Variants in ANK3 observed in about 807,000 individuals in gnomAD.
ANK3 encodes the protein ankyrin 3, also known as ankyrin-3.
In ANK3, 57 loss-of-function variants were observed where a neutral mutation model predicts 370.9. That is an observed-to-expected ratio of 0.15 (90% CI 0.12 to 0.19). The LOEUF is 0.19. ANK3 is among the 10% of genes least tolerant of loss of function. The pLI, the probability that ANK3 is intolerant of heterozygous loss-of-function variation, is 1.00. For synonymous variants in ANK3, 1,929 were observed against 1,946.3 expected (o/e 0.99, Z 0.23); for missense variants, 4,439 against 5,302.1 (o/e 0.84, Z 5.06).
At chr10:60,337,635 T>C (rs938944873) in intron 1 of ANK3, among the ~76,000 whole-genome samples, 1 of 152,194 alleles carries the variant, frequency 6.6e-6, no homozygotes, top group African/African-American at 2.4e-5. Context: ...TATCTCATAA[T>C]TGGCAAGCAT....
chr10:60,073,224 G>A lies in ANK3; in HGVS notation c.7657C>T (p.His2553Tyr). 6.2e-7 allele frequency: 1 copy of A among 1,614,148 alleles called. No individual in the cohort carries two copies. Among genetic ancestry groups the A allele is most frequent in the Non-Finnish European group, 8.5e-7 (1 of 1,180,028 alleles). Residue 2553 changes from histidine to tyrosine, a missense_variant, in exon 37 of 44, where the codon CAT becomes TAT. By Grantham distance (83) the His-to-Tyr change is moderately conservative. Coordinates refer to ENST00000280772, the MANE Select transcript of ANK3 (RefSeq NM_020987.5). ...HYSGNVSSPK[H>Y]AMWMRFTEDR... ...TCAGTAAAGCGCATCCACATGGCAT[G>A]TTTTGGACTACTAACATTGCCAGAA...
At chr10:60,574,843 A>G (rs1014657491) in intron 2 of ANK3, among the ~76,000 whole-genome samples, 1 of 152,156 alleles carries the variant, frequency 6.6e-6, no homozygotes. Flanking sequence ...TAGTACATCC[A>G]CCTAAAGTAA....
At chr10:60,090,432 A>T (rs1170876632) in intron 28 of ANK3, among the ~76,000 whole-genome samples, 1 of 152,222 alleles carries the variant, frequency 6.6e-6, no homozygotes, top group Non-Finnish European at 1.5e-5. Context: ...ATAATATAAA[A>T]GGTAATATAT....
chr10:60,286,413 CAT>C (rs368913958), intron 1 of ANK3, among the ~76,000 whole-genome samples: 4 of 152,098 alleles, frequency 2.6e-5, no homozygotes, highest in African/African-American at 4.8e-5. Flanking sequence ...TGACATGTAA[CAT>C]GTGGGTAATT....
chr10:60,176,196 C>CAAACA (rs1555069362), intron 18 of ANK3, among the ~76,000 whole-genome samples: 1 of 136,432 alleles, frequency 7.3e-6, no homozygotes. Flanking sequence ...AAAAAAAAAA[C>CAAACA]AAAAAAAAAC....
intron 2 of ANK3, among the ~76,000 whole-genome samples, chr10:60,445,381 C>A (rs564940367): frequency 9.2e-5 from 14 of 152,058 alleles, no homozygotes; most frequent in South Asian, 2.1e-4. Flanking sequence ...AAGAGCAAGA[C>A]CCTGTGCCAA....
chr10:60,568,107 G>A (rs969515785), intron 2 of ANK3, among the ~76,000 whole-genome samples: 1 of 152,202 alleles, frequency 6.6e-6, no homozygotes, highest in Non-Finnish European at 1.5e-5. Context: ...CATAAACTTA[G>A]TTGATAAAGC....
chr10:60,549,827 C>G (rs2077050117), intron 2 of ANK3, among the ~76,000 whole-genome samples: 1 of 152,108 alleles, frequency 6.6e-6, no homozygotes, highest in Admixed American at 6.5e-5. Flanking sequence ...AAGACCTGTT[C>G]TGTGAAATGG....
At chr10:60,217,041 GT>G (rs1400610597) in intron 8 of ANK3, among the ~76,000 whole-genome samples, 1 of 152,042 alleles carries the variant, frequency 6.6e-6, no homozygotes, top group Non-Finnish European at 1.5e-5. Context: ...AGATTTTCCA[GT>G]TTATTTCCAT....
chr10:60,395,425 A>G (rs1235059179), intron 2 of ANK3, among the ~76,000 whole-genome samples: 1 of 152,164 alleles, frequency 6.6e-6, no homozygotes, highest in Admixed American at 6.5e-5. Flanking sequence ...ACTCGACAGC[A>G]CTCGTCTACA....
At chr10:60,129,662 A>G (rs2093958854) in intron 25 of ANK3, among the ~76,000 whole-genome samples, 1 of 152,158 alleles carries the variant, frequency 6.6e-6, no homozygotes, top group Admixed American at 6.5e-5. Context: ...CTGAGGCACA[A>G]GAATCACTTG....
At chr10:60,401,949 C>A (rs531708519) in intron 2 of ANK3, among the ~76,000 whole-genome samples, 1 of 152,208 alleles carries the variant, frequency 6.6e-6, no homozygotes, top group East Asian at 1.9e-4. Flanking sequence ...TGGAATTAAA[C>A]TGTATTTCTA....
chr10:60,180,032 T>A (rs770079200), intron 18 of ANK3, among the ~76,000 whole-genome samples: 1 of 152,270 alleles, frequency 6.6e-6, no homozygotes, highest in Admixed American at 6.5e-5. Context: ...TAAAGCGGTA[T>A]GGAATGAAGA....
At position 60,452,742 on chromosome 10, in the gene ANK3, G is replaced by A. The variant is rs145791477; in HGVS notation, c.96+162444C>T. Among the ~76,000 whole-genome samples, 380 of 152,284 alleles carry A rather than the reference G, an allele frequency of 2.5e-3. 1 individual carries two copies. The highest frequency in any genetic ancestry group is 8.4e-3 in the African/African-American group (349 of 41,558). On this transcript the variant is annotated intron_variant, in intron 2 of 43. Transcript: ENST00000373827. ...TCACCTTTGATTTAAATTGTTTGCA[G>A]GTTTTCCTGCAGATTTGGGTGTCTC... is the stretch of plus-strand genomic sequence containing the variant.
intron 34 of ANK3, 42 bp downstream of exon 34, chr10:60,082,573 C>A (rs1300375439): frequency 2.5e-6 from 4 of 1,598,656 alleles, no homozygotes; most frequent in Non-Finnish European, 1.7e-6. Flanking sequence ...CCCACTTCTT[C>A]AAGACCAGGG....
intron 2 of ANK3, among the ~76,000 whole-genome samples, chr10:60,478,422 G>C (rs901590318): frequency 6.6e-5 from 10 of 152,050 alleles, no homozygotes; most frequent in African/African-American, 1.9e-4. Flanking sequence ...ATGGAATGAA[G>C]AATGACTAAT....
At chr10:60,082,309 A>G (rs1217715602) in intron 34 of ANK3, 133 bp from the exon 35 acceptor site, 2 of 853,098 alleles carry the variant, frequency 2.3e-6, no homozygotes, top group African/African-American at 3.4e-5. Flanking sequence ...GCAAATTTTA[A>G]AAAAAGCCAA....
intron 17 of ANK3, among the ~76,000 whole-genome samples, chr10:60,181,730 C>T (rs532488257): frequency 1.4e-4 from 22 of 151,940 alleles, no homozygotes; most frequent in Admixed American, 3.9e-4. Context: ...TGTTTGAGCT[C>T]GGTAGGTGGA....
At chr10:60,238,056 A>G (rs1270461368) in intron 7 of ANK3, among the ~76,000 whole-genome samples, 1 of 152,206 alleles carries the variant, frequency 6.6e-6, no homozygotes, top group Non-Finnish European at 1.5e-5. Flanking sequence ...AGCTTCCAAT[A>G]AAATGCAATC....
Sources: allele counts gnomAD v4.1 joint callset (sites outside exome capture counted in the v4.1 genomes callset), GRCh38; gene constraint gnomAD v4.1.1; transcripts MANE v1.5; gene names NCBI Gene and HGNC (gene_info 2026-07-23, HGNC 2026-07-21).